The following BIRC6 variants were observed in gnomAD, a reference collection of about 807,000 sequenced individuals.
BIRC6 encodes dual E2 ubiquitin-conjugating enzyme/E3 ubiquitin-protein ligase BIRC6.
BIRC6 carries 98 observed loss-of-function variants against 503.3 expected under a neutral mutation model. The ratio of observed to expected loss-of-function variants is 0.19; its 90% confidence interval spans 0.17 to 0.23. The LOEUF (loss-of-function observed/expected upper bound fraction) is 0.23. BIRC6 is among the 10% of genes least tolerant of loss of function. BIRC6 has a pLI of 1.00. For synonymous variants in BIRC6, 2,240 were observed against 2,078.7 expected (o/e 1.08, Z -2.11); for missense variants, 5,360 against 5,806.0 (o/e 0.92, Z 2.50).
chr2:32,601,473 T>C (rs913663284), intron 70 of BIRC6, among the ~76,000 whole-genome samples: 1 of 151,994 alleles, frequency 6.6e-6, no homozygotes, highest in African/African-American at 2.4e-5. Context: ...CCCAGCTACT[T>C]GGGAGGCTGA....
chr2:32,443,265 T>C (rs2045612908), intron 19 of BIRC6, among the ~76,000 whole-genome samples: 1 of 152,218 alleles, frequency 6.6e-6, no homozygotes, highest in African/African-American at 2.4e-5. Flanking sequence ...TGGTCAGTAT[T>C]GACTGTTGTA....
chr2:32,408,605 A>G lies in BIRC6; in HGVS notation c.1477+2048A>G, dbSNP rs569850778. 3.0e-4 allele frequency among the ~76,000 whole-genome samples: 46 copies of G among 152,240 alleles called. 2 individuals carry two copies. In the South Asian group the frequency reaches 8.3e-3, roughly 27 times the overall value. ...CTCAGTACATGTTTTTACAGTTACA[A>G]TACTCGTATTTGGCCAATTTTCTTA... On this transcript the variant is annotated intron_variant, in intron 9 of 73. Coordinates refer to ENST00000421745, the MANE Select transcript of BIRC6 (RefSeq NM_016252.4).
intron 35 of BIRC6, 122 bp from the exon 36 acceptor site, chr2:32,478,513 C>T: frequency 1.5e-5 from 11 of 720,304 alleles, no homozygotes; most frequent in South Asian, 1.1e-4. Flanking sequence ...TTTTTGATAC[C>T]AGACTCATAC....
At chr2:32,521,275 TC>T (rs2055633734) in intron 57 of BIRC6, among the ~76,000 whole-genome samples, 1 of 150,968 alleles carries the variant, frequency 6.6e-6, no homozygotes, top group Admixed American at 6.6e-5. Context: ...CAGTATACTT[TC>T]TTTTTTTTTG....
At position 32,470,147 on chromosome 2, in the gene BIRC6, TTTTG is replaced by T. The variant is rs2048963310; in HGVS notation, c.6348-13_6348-10del. The stretch of plus-strand genomic sequence containing the variant: ...TCGAATTGATTCTTATTCTTTTCTT[TTTTG>T]TTTGTTTTGTTTTTAGGGTCTTCAT... On this transcript the variant is annotated splice_polypyrimidine_tract_variant and intron_variant, in intron 30 of 73. Coordinates refer to ENST00000421745, the MANE Select transcript of BIRC6 (RefSeq NM_016252.4). 6.8e-7 allele frequency: 1 copy of T among 1,465,184 alleles called. No individual in the cohort carries two copies. Among genetic ancestry groups the T allele is most frequent in the African/African-American group, 1.4e-5 (1 of 69,176 alleles). 90.8% of individuals were successfully genotyped at this position (1,465,184 alleles called of 1,614,324 possible). A position where few individuals can be genotyped will look rare whatever the true frequency, so the allele number is the denominator to read the frequency against.
intron 57 of BIRC6, 183 bp downstream of exon 57, chr2:32,519,129 T>C (rs986669825): frequency 5.2e-6 from 3 of 571,444 alleles, no homozygotes; most frequent in African/African-American, 1.9e-5. Context: ...TAAAATACTT[T>C]TAGGCACCCC....
Position 32,562,486 on chromosome 2 carries a change from C to T in BIRC6, c.13145-12670C>T, listed in dbSNP as rs1014708963. Among the ~76,000 whole-genome samples the T allele has an allele frequency of 4.6e-5, 7 of 152,258 alleles. No individual in the cohort carries two copies. In the South Asian group the frequency reaches 1.5e-3, roughly 32 times the overall value. On this transcript the variant is annotated intron_variant, in intron 65 of 73. Coordinates refer to ENST00000421745, the MANE Select transcript of BIRC6 (RefSeq NM_016252.4). ...TTTATAGTTGAAATTCGAGTTCGCT[C>T]TTTATGTTCTACAGTTGTGTGGGTT...
intron 1 of BIRC6, among the ~76,000 whole-genome samples, chr2:32,370,670 C>T (rs987526113): frequency 6.6e-6 from 1 of 152,044 alleles, no homozygotes; most frequent in African/African-American, 2.4e-5. Context: ...GAGAACCTTA[C>T]ATTAATTTTG....
In BIRC6 at chr2:32,443,514, A is replaced by C. The variant is rs758194033; in HGVS notation, c.4262A>C (p.Gln1421Pro). 3.1e-6 allele frequency: 5 copies of C among 1,607,588 alleles called. No homozygotes were observed. The South Asian group carries it at 3.4e-5, about 11-fold the overall frequency. The change falls in exon 20 of 74, where the codon CAA becomes CCA. Residue 1421 changes from glutamine (Q) to proline (P), a missense_variant. Around this residue, in one of 16 missense-constraint regions of BIRC6, gnomAD observed 2,299 missense variants for 2,267.2 expected, o/e 1.01. Coordinates refer to ENST00000421745, the MANE Select transcript of BIRC6 (RefSeq NM_016252.4). ...CISNGKCDPC[Q>P]PAFGPVLLKA... is the part of the protein sequence containing the mutation. ...AGTAATGGCAAATGTGACCCATGTC[A>C]ACCAGCATTTGGACCTGTTCTGTTG...
At chr2:32,447,150 C>G (rs1349126606) in intron 21 of BIRC6, among the ~76,000 whole-genome samples, 1 of 147,282 alleles carries the variant, frequency 6.8e-6, no homozygotes, top group East Asian at 2.0e-4. Context: ...CCATGTCTAC[C>G]TCTATCCACA....
intron 67 of BIRC6, among the ~76,000 whole-genome samples, 199 bp from the exon 68 acceptor site, chr2:32,594,832 ATTG>A (rs765853755): frequency 2.0e-5 from 3 of 152,036 alleles, no homozygotes; most frequent in Admixed American, 1.3e-4. Context: ...TTTTTGCTTT[ATTG>A]TTATGTTTAT....
Position 32,415,370 on chromosome 2 carries a change from TGCA to T in BIRC6, c.2085_2087del (p.Ala696del). On this transcript the variant is annotated inframe_deletion, in exon 10 of 74. Coordinates refer to ENST00000421745, the MANE Select transcript of BIRC6 (RefSeq NM_016252.4). ...TGACTTACATTCAGCAATTTGCAGA[TGCA>T]GCAGCCAACCTTACCTCTCCGGATT... 1 of 1,614,040 alleles carries T rather than the reference TGCA, an allele frequency of 6.2e-7. No individual in the cohort carries two copies. The highest frequency in any genetic ancestry group is 2.2e-5 in the East Asian group (1 of 44,890).
chr2:32,531,791 A>G lies in BIRC6; in HGVS notation c.12291+240A>G, dbSNP rs80146746. ...CCAGACTTACTACACTGTTGCATTT[A>G]TCTTGATTTCATGGTTGTAACACTA... On this transcript the variant is annotated intron_variant, in intron 61 of 73. Coordinates refer to ENST00000421745, the MANE Select transcript of BIRC6 (RefSeq NM_016252.4). Among the ~76,000 whole-genome samples the G allele has an allele frequency of 5.2e-4, 79 of 152,326 alleles. 1 individual carries two copies. The East Asian group carries it at 0.013, about 26-fold the overall frequency.
Position 32,442,127 on chromosome 2 carries a change from G to T in BIRC6, c.4007G>T (p.Cys1336Phe). The change falls in exon 18 of 74, where the codon TGC becomes TTC. Residue 1336 changes from cysteine to phenylalanine, a missense_variant. By Grantham distance (205) the Cys-to-Phe change is radical. Transcript: ENST00000421745. ...CATGAGAAGCTTCTTAATACTCTTT[G>T]CAGAAAAACAGATGATGGCCAGATC... is the stretch of plus-strand genomic sequence containing the variant. Reference protein sequence around the residue: ...EFHEKLLNTLCRKTDDGQITE... With the variant: ...EFHEKLLNTLFRKTDDGQITE... 6.2e-7 allele frequency: 1 copy of T among 1,610,252 alleles called. No individual in the cohort carries two copies. Among genetic ancestry groups the T allele is most frequent in the South Asian group, 1.1e-5 (1 of 90,024 alleles).
intron 65 of BIRC6, among the ~76,000 whole-genome samples, chr2:32,569,020 G>A (rs1254048649): frequency 5.2e-5 from 7 of 135,492 alleles, no homozygotes; most frequent in Admixed American, 5.0e-4. Context: ...GTCTCCCTCC[G>A]TTGCTCAGGC....
intron 22 of BIRC6, among the ~76,000 whole-genome samples, chr2:32,450,909 T>G (rs941752546): frequency 1.3e-5 from 2 of 152,356 alleles, no homozygotes; most frequent in South Asian, 4.1e-4. Flanking sequence ...AAAAAAAGGC[T>G]GTAACAGACT....
In BIRC6 at chr2:32,515,047, T is replaced by C. The variant is rs760579082; in HGVS notation, c.10626T>C (p.Val3542=). ...GCAATATGGTTTTGAAGAAAGCTGT[T>C]GACAGTCTACTTTGCTCAATGTGTC... ...LPCNMVLKKA[V]DSLLCSMCHV... Residue 3542 remains valine, a synonymous_variant, in exon 55 of 74, where the codon GTT becomes GTC. Transcript: ENST00000421745. 8.1e-6 allele frequency: 13 copies of C among 1,613,896 alleles called. No individual in the cohort carries two copies. Among genetic ancestry groups the C allele is most frequent in the Middle Eastern group, 3.3e-4 (2 of 6,084 alleles).
chr2:32,543,414 C>T lies in BIRC6; in HGVS notation c.12465C>T (p.Ala4155=). The change falls in exon 62 of 74, where the codon GCC becomes GCT. Residue 4155 remains alanine (A), a synonymous_variant. Coordinates refer to ENST00000421745, the MANE Select transcript of BIRC6 (RefSeq NM_016252.4). ...SAVQTMSPIP[A]HSLAAFGLFL... Reference sequence around the variant, plus strand: ...TACAGACCATGTCTCCCATACCTGCCCATTCTTTGGCTGCTTTTGGATTAT... The same window carrying T: ...TACAGACCATGTCTCCCATACCTGCTCATTCTTTGGCTGCTTTTGGATTAT... 6.2e-7 allele frequency: 1 copy of T among 1,613,976 alleles called. No homozygotes were observed. Among genetic ancestry groups the T allele is most frequent in the African/African-American group, 1.3e-5 (1 of 75,020 alleles).
In BIRC6 at chr2:32,439,756, T is replaced by A. The variant is rs2045192989; in HGVS notation, c.3810+70T>A. The A allele has an allele frequency of 1.9e-5, 26 of 1,381,732 alleles. 1 individual carries two copies. In the South Asian group the frequency reaches 3.1e-4, roughly 16 times the overall value. The allele number at this position is 1,381,732 out of a possible 1,614,324, so 85.6% of individuals were successfully genotyped here. On this transcript the variant is annotated intron_variant, in intron 16 of 73. Transcript: ENST00000421745. ...TTGTGGATCAGATTTAACACACTAT[T>A]AGAAGTAGTATGACCTTTCAGTGAT...
Sources: allele counts gnomAD v4.1 joint callset (sites outside exome capture counted in the v4.1 genomes callset), GRCh38; gene constraint gnomAD v4.1.1; regional missense constraint gnomAD v4.1.1; transcripts MANE v1.5; gene names NCBI Gene and HGNC (gene_info 2026-07-23, HGNC 2026-07-21).